Variants in PLEK observed in about 807,000 individuals in gnomAD.
PLEK encodes platelet 47 kDa protein.
In PLEK, 25 loss-of-function variants were observed where a neutral mutation model predicts 43.9. The ratio of observed to expected loss-of-function variants is 0.57; its 90% CI spans 0.41 to 0.79. PLEK has a LOEUF of 0.79. Among genes scored for constraint, PLEK ranks in the 30% least tolerant of loss-of-function variants. PLEK has a pLI of 0.00. For synonymous variants in PLEK, 152 were observed against 144.4 expected (o/e 1.05, Z -0.38); for missense variants, 396 against 413.3 (o/e 0.96, Z 0.36).
chr2:68,396,798 A>C lies in PLEK; in HGVS notation c.*982A>C, dbSNP rs1404773985. 1 of 152,300 alleles carries C rather than the reference A, an allele frequency of 6.6e-6. No individual in the cohort carries two copies. The highest frequency in any genetic ancestry group is 1.5e-5 in the Non-Finnish European group (1 of 68,098). The allele number at this position is 152,300 out of a possible 1,614,324, so 9.4% of individuals were successfully genotyped here. On this transcript the variant is annotated 3_prime_UTR_variant, in exon 9 of 9. Transcript: ENST00000234313. ...GAATGTGTCTTGCGGCAGCTGCAGC[A>C]AGTGGAGGGGCTGAACTACTGGCCA...
intron 5 of PLEK, chr2:68,387,912 C>A (rs1673780913): frequency 6.5e-6 from 1 of 153,450 alleles, no homozygotes; most frequent in Admixed American, 6.5e-5. Context: ...GTCCCACTTC[C>A]CTCATAACCT....
chr2:68,380,054 G>C (rs919084514), intron 1 of PLEK, among the ~76,000 whole-genome samples: 1 of 152,144 alleles, frequency 6.6e-6, no homozygotes, highest in East Asian at 1.9e-4. Flanking sequence ...GAAGGATATG[G>C]AGAGGTTAGG....
At chr2:68,372,592 G>A (rs1399812011) in intron 1 of PLEK, among the ~76,000 whole-genome samples, 1 of 152,082 alleles carries the variant, frequency 6.6e-6, no homozygotes, top group Non-Finnish European at 1.5e-5. Flanking sequence ...TGATGAACAG[G>A]TATTTACCAG....
intron 1 of PLEK, among the ~76,000 whole-genome samples, chr2:68,367,025 G>A (rs920654877): frequency 1.3e-5 from 2 of 152,196 alleles, no homozygotes; most frequent in African/African-American, 2.4e-5. Flanking sequence ...GGGTTGTCAA[G>A]CATGTGGATT....
intron 1 of PLEK, among the ~76,000 whole-genome samples, chr2:68,376,711 T>C (rs1374788365): frequency 1.3e-5 from 2 of 152,198 alleles, no homozygotes; most frequent in Non-Finnish European, 2.9e-5. Flanking sequence ...TGAGTAATAA[T>C]AACACCATGG....
chr2:68,385,191 C>T (rs1169573383), intron 4 of PLEK, among the ~76,000 whole-genome samples: 3 of 152,206 alleles, frequency 2.0e-5, no homozygotes, highest in African/African-American at 7.2e-5. Context: ...TACACATATA[C>T]ATTGTGCAGT....
chr2:68,372,213 G>A (rs1317668212), intron 1 of PLEK, among the ~76,000 whole-genome samples: 1 of 147,694 alleles, frequency 6.8e-6, no homozygotes, highest in African/African-American at 2.5e-5. Context: ...TTGCTCTGTT[G>A]CCCAGGCTGG....
chr2:68,385,105 C>A (rs1673710285), intron 4 of PLEK, among the ~76,000 whole-genome samples: 2 of 152,202 alleles, frequency 1.3e-5, no homozygotes, highest in South Asian at 2.1e-4. Flanking sequence ...TTGTAAGGAA[C>A]ACACTGCTTT....
chr2:68,384,661 A>G (rs1673700517), intron 4 of PLEK, among the ~76,000 whole-genome samples: 1 of 152,172 alleles, frequency 6.6e-6, no homozygotes, highest in Non-Finnish European at 1.5e-5. Flanking sequence ...GTACTGACAC[A>G]TGATGGAAGA....
chr2:68,373,648 C>G (rs1673450779), intron 1 of PLEK, among the ~76,000 whole-genome samples: 2 of 151,852 alleles, frequency 1.3e-5, no homozygotes, highest in Admixed American at 1.3e-4. Context: ...GCTTTGTCTA[C>G]TGAAGGCATG....
In PLEK at chr2:68,393,546, C is replaced by T. The variant is rs568992260; in HGVS notation, c.846+301C>T. On this transcript the variant is annotated intron_variant, in intron 7 of 8. Coordinates refer to ENST00000234313, the MANE Select transcript of PLEK (RefSeq NM_002664.3). ...ATATTTTCAGGGGAATTAAATCAGT[C>T]CATGGTTTAATATGCATAAAGGTGA... Among the ~76,000 whole-genome samples the T allele has an allele frequency of 3.3e-5, 5 of 152,294 alleles. No homozygotes were observed. In the East Asian group the frequency reaches 9.6e-4, roughly 29 times the overall value.
chr2:68,394,285 G>A, intron 8 of PLEK, 109 bp downstream of exon 8: 1 of 772,862 alleles, frequency 1.3e-6, no homozygotes, highest in Middle Eastern at 2.4e-4. Flanking sequence ...GGATAAGCAG[G>A]AATGGGGCAG....
At chr2:68,380,126 T>G (rs867407753) in intron 1 of PLEK, among the ~76,000 whole-genome samples, 1 of 152,202 alleles carries the variant, frequency 6.6e-6, no homozygotes, top group Middle Eastern at 3.4e-3. Context: ...GGGGTTGGCT[T>G]GAGCAAAGAG....
intron 1 of PLEK, among the ~76,000 whole-genome samples, chr2:68,373,664 C>A (rs1004393678): frequency 6.6e-6 from 1 of 151,850 alleles, no homozygotes; most frequent in Admixed American, 6.6e-5. Context: ...GCATGCAATG[C>A]CAGCTTATCG....
intron 1 of PLEK, among the ~76,000 whole-genome samples, chr2:68,380,018 T>C (rs991373085): frequency 1.2e-4 from 18 of 152,042 alleles, no homozygotes; most frequent in Admixed American, 1.2e-3. Flanking sequence ...GGAAGCCTCA[T>C]CAATGAGGTG....
chr2:68,373,362 C>A (rs536536182), intron 1 of PLEK, among the ~76,000 whole-genome samples: 8 of 152,160 alleles, frequency 5.3e-5, no homozygotes, highest in Admixed American at 2.0e-4. Flanking sequence ...GACACATCCT[C>A]CTCAGAGTCA....
Position 68,395,830 on chromosome 2 carries a change from T to G in PLEK, c.*14T>G. The G allele has an allele frequency of 6.2e-7, 1 of 1,609,614 alleles. No individual in the cohort carries two copies. Among genetic ancestry groups the G allele is most frequent in the Non-Finnish European group, 8.5e-7 (1 of 1,176,106 alleles). ...ACTGGGAAGTAAAGAGACTCCTGCA[T>G]TCCTCCTCCCCTCCTGAGGGAAGCC... On this transcript the variant is annotated 3_prime_UTR_variant, in exon 9 of 9. Transcript: ENST00000234313.
At chr2:68,394,402 T>A (rs1420248776) in intron 8 of PLEK, among the ~76,000 whole-genome samples, 2 of 152,126 alleles carry the variant, frequency 1.3e-5, no homozygotes, top group Non-Finnish European at 2.9e-5. Flanking sequence ...TGAAACCCCA[T>A]CTCTACTAAA....
intron 5 of PLEK, among the ~76,000 whole-genome samples, chr2:68,387,485 C>T (rs1673769818): frequency 6.6e-6 from 1 of 152,164 alleles, no homozygotes; most frequent in Non-Finnish European, 1.5e-5. Context: ...TATGTTAAAA[C>T]ACATGACTCT....
Sources: allele counts gnomAD v4.1 joint callset (sites outside exome capture counted in the v4.1 genomes callset), GRCh38; gene constraint gnomAD v4.1.1; transcripts MANE v1.5; gene names NCBI Gene and HGNC (gene_info 2026-07-23, HGNC 2026-07-21).